MYO3B: variants seen among roughly 807,000 people sequenced by gnomAD.
MYO3B encodes the protein myosin-IIIb.
In MYO3B, 156 loss-of-function variants were observed where a neutral mutation model predicts 174.6. The observed-to-expected ratio is 0.89, with a 90% CI of 0.78 to 1.02. The LOEUF is 1.02. Ranked by LOEUF, MYO3B falls within the 50% of genes least tolerant of loss-of-function variation. The pLI is 0.00. For missense variants in MYO3B, 1,632 were observed against 1,639.4 expected (o/e 1.00, Z 0.08); for synonymous variants, 563 against 569.1 (o/e 0.99, Z 0.15).
At chr2:170,392,731 T>C (rs2094420495) in intron 16 of MYO3B, among the ~76,000 whole-genome samples, 1 of 152,184 alleles carries the variant, frequency 6.6e-6, no homozygotes, top group Non-Finnish European at 1.5e-5. Context: ...CAGAATATAA[T>C]CATTTTAACG....
At chr2:170,252,283 A>T (rs2093261737) in intron 7 of MYO3B, among the ~76,000 whole-genome samples, 1 of 152,234 alleles carries the variant, frequency 6.6e-6, no homozygotes, top group African/African-American at 2.4e-5. Context: ...GAAATAGTTC[A>T]TTGGATTGGT....
rs555151941 is a variant in MYO3B at position 170,495,574 on chromosome 2, A to G, written c.3015-3018A>G. 1.2e-3 allele frequency among the ~76,000 whole-genome samples: 150 copies of G among 124,150 alleles called. 3 individuals are homozygous for G. Among genetic ancestry groups the G allele is most frequent in the Non-Finnish European group, 2.1e-3 (124 of 60,412 alleles). The allele number at this position is 124,150 out of a possible 152,430, so 81.4% of individuals were successfully genotyped here. ...ACATTCTGCCTATTTAGAAACTAAC[A>G]GTTGCTAAAAAAAAAAACACCCACA... On this transcript the variant is annotated intron_variant, in intron 25 of 34. Transcript: ENST00000408978.
At chr2:170,587,229 T>C (rs968096029) in intron 32 of MYO3B, among the ~76,000 whole-genome samples, 5 of 152,238 alleles carry the variant, frequency 3.3e-5, no homozygotes, top group Non-Finnish European at 5.9e-5. Context: ...TGCCTTCTAC[T>C]TATAAAACAA....
chr2:170,457,955 C>T lies in MYO3B; in HGVS notation c.2731-5413C>T, dbSNP rs142673442. ...TTTAGGTAGAGACAGGGTTTCACTT[C>T]GTTGGCCAGGCTGGTCTCGAACTCC... On this transcript the variant is annotated intron_variant, in intron 23 of 34. Coordinates refer to ENST00000408978, the MANE Select transcript of MYO3B (RefSeq NM_138995.5). 1.2e-4 allele frequency among the ~76,000 whole-genome samples: 18 copies of T among 152,192 alleles called. No homozygotes were observed. In the East Asian group the frequency reaches 2.5e-3, roughly 21 times the overall value.
intron 22 of MYO3B, among the ~76,000 whole-genome samples, chr2:170,424,217 C>T (rs2094642537): frequency 6.6e-6 from 1 of 152,204 alleles, no homozygotes; most frequent in Non-Finnish European, 1.5e-5. Context: ...AGATGATCTT[C>T]CTGAGTTCCT....
At chr2:170,259,048 G>A (rs1459660286) in intron 7 of MYO3B, among the ~76,000 whole-genome samples, 2 of 152,066 alleles carry the variant, frequency 1.3e-5, no homozygotes, top group Non-Finnish European at 2.9e-5. Flanking sequence ...AAACACTGCT[G>A]AAAGAAATCA....
intron 8 of MYO3B, among the ~76,000 whole-genome samples, chr2:170,358,354 T>A (rs77654949): frequency 0.014 from 2,170 of 152,194 alleles, 46 homozygotes; most frequent in African/African-American, 0.048. Flanking sequence ...CCATACATAT[T>A]ATATGAAATG....
At chr2:170,641,364 T>C (rs1043165450) in intron 32 of MYO3B, 1 of 152,212 alleles carries the variant, frequency 6.6e-6, no homozygotes, top group Non-Finnish European at 1.5e-5. Context: ...CAGAAGTGTA[T>C]TTTGCTGCAC....
At chr2:170,488,742 C>T (rs1343520310) in intron 25 of MYO3B, among the ~76,000 whole-genome samples, 4 of 152,036 alleles carry the variant, frequency 2.6e-5, no homozygotes, top group Non-Finnish European at 5.9e-5. Flanking sequence ...ATCTATTTAT[C>T]AGTTGGAATT....
intron 3 of MYO3B, among the ~76,000 whole-genome samples, chr2:170,212,493 C>T (rs1306786187): frequency 1.3e-5 from 2 of 152,182 alleles, no homozygotes; most frequent in Non-Finnish European, 2.9e-5. Context: ...CTCACCTTTC[C>T]TTAAGCCCTA....
chr2:170,286,730 CAGTTA>C (rs2093558802), intron 7 of MYO3B, among the ~76,000 whole-genome samples: 1 of 151,964 alleles, frequency 6.6e-6, no homozygotes, highest in Non-Finnish European at 1.5e-5. Flanking sequence ...TTCTGTCCTC[CAGTTA>C]AGTTGTTTTT....
At chr2:170,478,964 A>C (rs892674148) in intron 25 of MYO3B, among the ~76,000 whole-genome samples, 1 of 150,906 alleles carries the variant, frequency 6.6e-6, no homozygotes, top group Non-Finnish European at 1.5e-5. Context: ...TTATATATGT[A>C]TATATATTTT....
chr2:170,614,046 TCTATTTCAA>T (rs1180536265), intron 32 of MYO3B, among the ~76,000 whole-genome samples: 1 of 152,086 alleles, frequency 6.6e-6, no homozygotes, highest in Non-Finnish European at 1.5e-5. Flanking sequence ...CCTTCTGCAT[TCTATTTCAA>T]GATTTCATCC....
chr2:170,504,834 C>T (rs1329014984), intron 28 of MYO3B, among the ~76,000 whole-genome samples: 1 of 152,102 alleles, frequency 6.6e-6, no homozygotes, highest in Non-Finnish European at 1.5e-5. Flanking sequence ...ATTGTGGGCC[C>T]TTCATTCAGA....
intron 32 of MYO3B, among the ~76,000 whole-genome samples, chr2:170,551,350 TTA>T (rs1491162911): frequency 6.7e-4 from 66 of 98,186 alleles, no homozygotes; most frequent in East Asian, 2.0e-3. Flanking sequence ...TTTAATTTAA[TTA>T]TTTATTTATT....
intron 6 of MYO3B, among the ~76,000 whole-genome samples, chr2:170,228,960 C>CAAAAAAAAAAAAAAA (rs539746576): frequency 2.0e-5 from 2 of 98,324 alleles, no homozygotes; most frequent in Non-Finnish European, 4.3e-5. Context: ...ATTCCCTTTA[C>CAAAAAAAAAAAAAAA]AAAAAAAAAA....
At chr2:170,418,190 A>G (rs969338310) in intron 22 of MYO3B, among the ~76,000 whole-genome samples, 7 of 152,188 alleles carry the variant, frequency 4.6e-5, no homozygotes, top group Non-Finnish European at 7.4e-5. Context: ...CAAAAGAGCT[A>G]GGGAGCCCTG....
At chr2:170,415,157 C>A (rs1321166051) in intron 22 of MYO3B, among the ~76,000 whole-genome samples, 1 of 152,176 alleles carries the variant, frequency 6.6e-6, no homozygotes, top group East Asian at 1.9e-4. Flanking sequence ...TGTTCCCGAT[C>A]CTGAGGTGAA....
chr2:170,592,767 T>C (rs528269211), intron 32 of MYO3B, among the ~76,000 whole-genome samples: 1 of 152,276 alleles, frequency 6.6e-6, no homozygotes, highest in South Asian at 2.1e-4. Context: ...TTTCTGACTG[T>C]TGGAATACAT....
Sources: allele counts gnomAD v4.1 joint callset (sites outside exome capture counted in the v4.1 genomes callset), GRCh38; gene constraint gnomAD v4.1.1; transcripts MANE v1.5; gene names NCBI Gene and HGNC (gene_info 2026-07-23, HGNC 2026-07-21).